Variants in CRTC3 observed in about 807,000 individuals in gnomAD.
The protein encoded by CRTC3 is CREB-regulated transcription coactivator 3.
CRTC3 carries 26 observed loss-of-function variants against 74.5 expected under a neutral mutation model. The ratio of observed to expected loss-of-function variants is 0.35; its 90% CI spans 0.26 to 0.48. The LOEUF (loss-of-function observed/expected upper bound fraction) is 0.48, where lower values mean the gene tolerates loss of function less well. Ranked by LOEUF, CRTC3 falls within the 20% of genes least tolerant of loss-of-function variation. CRTC3 has a pLI of 0.99. For missense variants in CRTC3, 760 were observed against 787.3 expected, an observed-to-expected ratio of 0.97 and a Z score of 0.41; for synonymous variants, 377 against 325.8, an observed-to-expected ratio of 1.16 and a Z score of -1.69.
intron 7 of CRTC3, 143 bp from the exon 8 acceptor site, chr15:90,617,740 A>G (rs979058533): frequency 1.7e-5 from 10 of 583,380 alleles, no homozygotes; most frequent in Non-Finnish European, 3.1e-5. Context: ...TATGTTGCCC[A>G]GGCTTGTCTC....
At chr15:90,617,386 C>T (rs1339767238) in intron 7 of CRTC3, among the ~76,000 whole-genome samples, 1 of 152,194 alleles carries the variant, frequency 6.6e-6, no homozygotes, top group Non-Finnish European at 1.5e-5. Flanking sequence ...ACAGTAGTGC[C>T]CAAAGTGGCT....
chr15:90,553,243 A>G (rs1425238492), intron 2 of CRTC3, among the ~76,000 whole-genome samples: 1 of 151,976 alleles, frequency 6.6e-6, no homozygotes, highest in Non-Finnish European at 1.5e-5. Context: ...GCACTTTGCA[A>G]CTCTGATTTT....
At chr15:90,579,634 C>CCTTTTTTT (rs772962487) in intron 2 of CRTC3, among the ~76,000 whole-genome samples, 1 of 84,198 alleles carries the variant, frequency 1.2e-5, no homozygotes. Flanking sequence ...ACGTATTTCA[C>CCTTTTTTT]TTTTTTTTTT....
At chr15:90,639,957 G>C (rs923252195) in intron 13 of CRTC3, among the ~76,000 whole-genome samples, 1 of 152,048 alleles carries the variant, frequency 6.6e-6, no homozygotes, top group African/African-American at 2.4e-5. Flanking sequence ...GCTGAGGCAG[G>C]AGAATGGCGT....
chr15:90,634,859 A>G, intron 11 of CRTC3: 1 of 1,546,268 alleles, frequency 6.5e-7, no homozygotes, highest in Non-Finnish European at 8.9e-7. Flanking sequence ...TGCAAGCAAC[A>G]GTAGTCACTG....
intron 2 of CRTC3, among the ~76,000 whole-genome samples, chr15:90,543,338 C>T (rs1002824146): frequency 6.7e-6 from 1 of 148,694 alleles, no homozygotes; most frequent in Non-Finnish European, 1.5e-5. Flanking sequence ...GTCTGTCAGG[C>T]TTCCCCATTT....
intron 1 of CRTC3, among the ~76,000 whole-genome samples, chr15:90,538,291 T>C (rs1314067097): frequency 1.3e-5 from 2 of 150,494 alleles, no homozygotes; most frequent in African/African-American, 2.5e-5. Context: ...GATTGAAAGC[T>C]GAGAGACTTT....
intron 2 of CRTC3, among the ~76,000 whole-genome samples, chr15:90,551,341 G>GCT (rs56209612): frequency 0.86 from 130,660 of 151,986 alleles, 56,425 homozygotes; most frequent in Middle Eastern, 0.93. Context: ...TTTTTTCTGT[G>GCT]CTTCTTACTG....
intron 2 of CRTC3, among the ~76,000 whole-genome samples, chr15:90,540,947 C>T (rs1966792619): frequency 1.3e-5 from 2 of 152,160 alleles, no homozygotes; most frequent in Non-Finnish European, 2.9e-5. Context: ...GGACCAGCCG[C>T]ATTTCACTAG....
chr15:90,564,904 A>ACCTTCCTTCCTTCCTTCCTTCCTT (rs71154112), intron 2 of CRTC3, among the ~76,000 whole-genome samples: 2 of 146,364 alleles, frequency 1.4e-5, no homozygotes, highest in African/African-American at 2.6e-5. Flanking sequence ...AATTTAACCA[A>ACCTTCCTTCCTTCCTTCCTTCCTT]CCTTCCTTCC....
At chr15:90,552,425 A>G (rs1966861495) in intron 2 of CRTC3, among the ~76,000 whole-genome samples, 1 of 152,220 alleles carries the variant, frequency 6.6e-6, no homozygotes, top group South Asian at 2.1e-4. Context: ...AATGGTCTTC[A>G]GAAATTCTGT....
chr15:90,597,136 G>C (rs2151079510), intron 3 of CRTC3, among the ~76,000 whole-genome samples: 1 of 152,350 alleles, frequency 6.6e-6, no homozygotes, highest in South Asian at 2.1e-4. Flanking sequence ...AGGCGGAGGA[G>C]AGGCACTGCC....
chr15:90,567,899 CATAG>C (rs1967163867), intron 2 of CRTC3, among the ~76,000 whole-genome samples: 1 of 152,140 alleles, frequency 6.6e-6, no homozygotes, highest in Admixed American at 6.6e-5. Context: ...ATATAGCTGT[CATAG>C]ATAGTGATTC....
chr15:90,636,138 G>A (rs1969226433), intron 11 of CRTC3, among the ~76,000 whole-genome samples: 2 of 151,924 alleles, frequency 1.3e-5, no homozygotes, highest in South Asian at 4.1e-4. Flanking sequence ...GAGGCATCAT[G>A]CTACCTGACT....
At chr15:90,603,246 A>C (rs371226204) in intron 4 of CRTC3, among the ~76,000 whole-genome samples, 4 of 150,530 alleles carry the variant, frequency 2.7e-5, no homozygotes, top group Admixed American at 1.3e-4. Flanking sequence ...GATCGAGACC[A>C]TCCTCGCTAA....
intron 1 of CRTC3, among the ~76,000 whole-genome samples, chr15:90,531,473 T>A (rs1474216903): frequency 6.6e-6 from 1 of 152,186 alleles, no homozygotes; most frequent in South Asian, 2.1e-4. Flanking sequence ...CATGATGGTG[T>A]TTTCTTTCAG....
At chr15:90,614,604 A>G (rs1001180625) in intron 7 of CRTC3, 116 bp downstream of exon 7, 10 of 695,032 alleles carry the variant, frequency 1.4e-5, no homozygotes, top group East Asian at 8.3e-5. Context: ...AATGCTGACA[A>G]CTGCTGATTG....
intron 2 of CRTC3, among the ~76,000 whole-genome samples, chr15:90,571,642 G>A (rs1027455313): frequency 1.3e-5 from 2 of 152,126 alleles, no homozygotes; most frequent in Admixed American, 6.5e-5. Flanking sequence ...CAAATTTGTT[G>A]TAGAAACTCA....
chr15:90,593,838 C>T (rs1967856449), intron 3 of CRTC3, 83 bp downstream of exon 3: 2 of 1,424,710 alleles, frequency 1.4e-6, no homozygotes, highest in Non-Finnish European at 1.9e-6. Flanking sequence ...TGCAATTCTC[C>T]TTTGGCCTCA....
Sources: allele counts gnomAD v4.1 joint callset (sites outside exome capture counted in the v4.1 genomes callset), GRCh38; gene constraint gnomAD v4.1.1; transcripts MANE v1.5; gene names NCBI Gene and HGNC (gene_info 2026-07-23, HGNC 2026-07-21).